ANO2: variants seen among roughly 807,000 people sequenced by gnomAD.
The protein encoded by ANO2 is anoctamin-2.
Under a neutral mutation model 124.2 loss-of-function variants are expected in ANO2, and 101 were observed. The observed-to-expected ratio is 0.81, with a 90% CI of 0.69 to 0.96. The LOEUF is 0.96. ANO2 is among the 40% of genes least tolerant of loss of function. ANO2 has a pLI of 0.00. For synonymous variants in ANO2, 486 were observed against 482.5 expected (o/e 1.01, Z -0.09); for missense variants, 1,293 against 1,274.5 (o/e 1.01, Z -0.22).
intron 9 of ANO2, among the ~76,000 whole-genome samples, 174 bp from the exon 10 acceptor site, chr12:5,799,745 T>C (rs1952985081): frequency 6.6e-6 from 1 of 152,204 alleles, no homozygotes; most frequent in African/African-American, 2.4e-5. Flanking sequence ...TGGCTTCTCC[T>C]TCCTCAAACA....
At chr12:5,857,651 T>C (rs1264285973) in intron 3 of ANO2, among the ~76,000 whole-genome samples, 2 of 152,222 alleles carry the variant, frequency 1.3e-5, no homozygotes, top group Non-Finnish European at 2.9e-5. Flanking sequence ...CATATACCTG[T>C]TGTCCATTTC....
At chr12:5,920,047 G>A (rs1257194856) in intron 3 of ANO2, among the ~76,000 whole-genome samples, 1 of 142,904 alleles carries the variant, frequency 7.0e-6, no homozygotes, top group Non-Finnish European at 1.6e-5. Context: ...ATGGATGGAT[G>A]GATGGATGGA....
rs561512586 is a variant in ANO2, at chr12:5,904,069, G to A, written c.534+16971C>T. ...ATTAAACACTGACCTCCCCAAATGTGCCCACCACATGATCATCCCCTCTTT... is the reference window on the plus strand; with the variant it reads ...ATTAAACACTGACCTCCCCAAATGTACCCACCACATGATCATCCCCTCTTT... On this transcript the variant is annotated intron_variant, in intron 3 of 24. Transcript: ENST00000682330. This position sits in a 1 kb window ranked among gnomAD's most constrained non-coding sequence, Gnocchi z 4.1. Among the ~76,000 whole-genome samples the A allele has an allele frequency of 1.4e-4, 22 of 152,216 alleles. No homozygotes were observed. Among genetic ancestry groups the A allele is most frequent in the Non-Finnish European group, 2.9e-4 (20 of 68,010 alleles).
rs148372891 is a variant in ANO2, at chr12:5,801,493, C to T, written c.991-1922G>A. ...GAGAACCTACTTTAATCAGGTACTTCGGAAGCCCATCTGAACATCAGCCCT... is the reference window on the plus strand; with the variant it reads ...GAGAACCTACTTTAATCAGGTACTTTGGAAGCCCATCTGAACATCAGCCCT... On this transcript the variant is annotated intron_variant, in intron 9 of 24. Coordinates refer to ENST00000682330, the MANE Select transcript of ANO2 (RefSeq NM_001364791.2). Among the ~76,000 whole-genome samples, 1,503 of 152,324 alleles carry T rather than the reference C, an allele frequency of 9.9e-3. 11 individuals carry two copies. The highest frequency in any genetic ancestry group is 0.024 in the Middle Eastern group (7 of 294).
At chr12:5,747,148 T>C (rs1448071680) in intron 11 of ANO2, among the ~76,000 whole-genome samples, 1 of 152,236 alleles carries the variant, frequency 6.6e-6, no homozygotes, top group Non-Finnish European at 1.5e-5. Context: ...GCTGGGCCCC[T>C]CTGTACTATC....
intron 3 of ANO2, among the ~76,000 whole-genome samples, chr12:5,916,268 C>A (rs1322038922): frequency 6.6e-6 from 1 of 151,428 alleles, no homozygotes; most frequent in Non-Finnish European, 1.5e-5. Context: ...CAGAGTGAGG[C>A]CTGGTCTCAA....
chr12:5,739,465 G>A, intron 12 of ANO2, 66 bp from the exon 13 acceptor site: 1 of 1,357,734 alleles, frequency 7.4e-7, no homozygotes, highest in Non-Finnish European at 1.0e-6. Context: ...TACCCTTTGG[G>A]CTCACCAGTG....
intron 20 of ANO2, among the ~76,000 whole-genome samples, chr12:5,586,357 G>C (rs1393963288): frequency 6.6e-6 from 1 of 152,208 alleles, no homozygotes; most frequent in Non-Finnish European, 1.5e-5. Context: ...ACGCCATTTG[G>C]AGAAGATGGC....
intron 3 of ANO2, among the ~76,000 whole-genome samples, chr12:5,856,921 A>G (rs1203247440): frequency 6.6e-6 from 1 of 152,230 alleles, no homozygotes; most frequent in Non-Finnish European, 1.5e-5. Flanking sequence ...CTCAAAAGGA[A>G]CTTGTTTAAA....
At position 5,908,520 on chromosome 12, in the gene ANO2, G is replaced by A. The variant is rs1357172402; in HGVS notation, c.534+12520C>T. ...ACTGCTGGCCACAGTGGAGTGGTTT[G>A]CAGTAGCCGAGACTCCCAACCCAGT... On this transcript the variant is annotated intron_variant, in intron 3 of 24. Coordinates refer to ENST00000682330, the MANE Select transcript of ANO2 (RefSeq NM_001364791.2). The surrounding 1 kb of genome is among the most constrained non-coding windows in gnomAD (Gnocchi z 4.7). 6.6e-6 allele frequency among the ~76,000 whole-genome samples: 1 copy of A among 152,216 alleles called. No individual in the cohort carries two copies. Among genetic ancestry groups the A allele is most frequent in the Non-Finnish European group, 1.5e-5 (1 of 68,052 alleles).
intron 19 of ANO2, among the ~76,000 whole-genome samples, chr12:5,610,909 G>A (rs1464984071): frequency 2.1e-5 from 3 of 146,068 alleles, no homozygotes; most frequent in Non-Finnish European, 4.5e-5. Context: ...AGTCCATCTT[G>A]TAACATATGA....
chr12:5,788,570 T>C (rs771863712), intron 10 of ANO2, among the ~76,000 whole-genome samples: 1 of 149,846 alleles, frequency 6.7e-6, no homozygotes, highest in Non-Finnish European at 1.5e-5. Flanking sequence ...GTTTTTGTTT[T>C]TGTTTTTGGA....
At chr12:5,591,755 C>T (rs1049416332) in intron 20 of ANO2, among the ~76,000 whole-genome samples, 16 of 152,184 alleles carry the variant, frequency 1.1e-4, no homozygotes, top group African/African-American at 3.4e-4. Context: ...CCCTGAGCTC[C>T]TTCACACATC....
rs117333799 is a variant in ANO2, at chr12:5,681,686, C to T, written c.1546-33885G>A. ...ACTCTCTTCCTCTAACCTTTTCCTT[C>T]CTTATTCAGTTTCATATCCTCTTCT... On this transcript the variant is annotated intron_variant, in intron 14 of 24. Transcript: ENST00000682330. 4.3e-3 allele frequency among the ~76,000 whole-genome samples: 656 copies of T among 152,350 alleles called. 5 individuals carry two copies. The highest frequency in any genetic ancestry group is 0.011 in the South Asian group (53 of 4,824).
At chr12:5,662,889 C>T (rs181618707) in intron 14 of ANO2, among the ~76,000 whole-genome samples, 1 of 152,196 alleles carries the variant, frequency 6.6e-6, no homozygotes, top group Non-Finnish European at 1.5e-5. Flanking sequence ...GGAAGCACTT[C>T]CTAGACCTTC....
At chr12:5,768,246 A>G (rs760751923) in intron 10 of ANO2, among the ~76,000 whole-genome samples, 1 of 152,142 alleles carries the variant, frequency 6.6e-6, no homozygotes, top group Non-Finnish European at 1.5e-5. Context: ...GGCAAGAATA[A>G]TCAGTCCTCA....
At chr12:5,801,831 A>G (rs1953050740) in intron 9 of ANO2, among the ~76,000 whole-genome samples, 1 of 152,206 alleles carries the variant, frequency 6.6e-6, no homozygotes, top group Non-Finnish European at 1.5e-5. Flanking sequence ...TCTTATTAGT[A>G]CATCTCCTCC....
chr12:5,805,775 T>C (rs1398629005), intron 9 of ANO2, among the ~76,000 whole-genome samples: 1 of 152,124 alleles, frequency 6.6e-6, no homozygotes, highest in Non-Finnish European at 1.5e-5. Flanking sequence ...TCTCAACTGG[T>C]GCTCTCTTGC....
chr12:5,842,110 C>A (rs1252445682), intron 4 of ANO2, among the ~76,000 whole-genome samples: 1 of 152,010 alleles, frequency 6.6e-6, no homozygotes, highest in Non-Finnish European at 1.5e-5. Context: ...GAACTCCTGG[C>A]CTCAAGTGAT....
Sources: allele counts gnomAD v4.1 joint callset (sites outside exome capture counted in the v4.1 genomes callset), GRCh38; gene constraint gnomAD v4.1.1; non-coding constraint Gnocchi (gnomAD v3.1); transcripts MANE v1.5; gene names NCBI Gene and HGNC (gene_info 2026-07-23, HGNC 2026-07-21).